TRPM2: variants seen among roughly 807,000 people sequenced by gnomAD.
The protein encoded by TRPM2 is estrogen-responsive element-associated gene 1 protein.
TRPM2 carries 161 observed loss-of-function variants against 174.0 expected under a neutral mutation model. The ratio of observed to expected loss-of-function variants is 0.93; its 90% CI spans 0.81 to 1.05. The LOEUF (loss-of-function observed/expected upper bound fraction) is 1.05. Among genes scored for constraint, TRPM2 ranks in the 50% least tolerant of loss-of-function variants. The probability of loss-of-function intolerance (pLI) is 0.00; values close to 1 mark genes in which losing one functional copy is unlikely to be tolerated. For missense variants in TRPM2, 2,057 were observed against 2,038.0 expected (o/e 1.01, Z -0.18); for synonymous variants, 954 against 861.3 (o/e 1.11, Z -1.88).
At chr21:44,412,169 T>C (rs2050130001) in intron 19 of TRPM2, among the ~76,000 whole-genome samples, 1 of 152,220 alleles carries the variant, frequency 6.6e-6, no homozygotes, top group Admixed American at 6.5e-5. Context: ...AAAAGAGTGG[T>C]TTTAATTCTT....
rs45559540 is a variant in TRPM2 at position 44,353,907 on chromosome 21, C to T, written c.165+42C>T. 638 of 1,579,630 alleles carry T rather than the reference C, an allele frequency of 4.0e-4. 4 individuals are homozygous for T. In the African/African-American group the frequency reaches 7.2e-3, roughly 18 times the overall value. On this transcript the variant is annotated intron_variant, in intron 1 of 31. Coordinates refer to ENST00000397928, the MANE Select transcript of TRPM2 (RefSeq NM_003307.4). ...TCAGCCTGCAGTTGGCACGTGGCCA[C>T]GGAGGTCACCGTTGGGCAGGTCATA...
At chr21:44,365,450 CCT>C (rs1372464988) in intron 3 of TRPM2, among the ~76,000 whole-genome samples, 1 of 152,184 alleles carries the variant, frequency 6.6e-6, no homozygotes, top group Non-Finnish European at 1.5e-5. Context: ...TGGCACAGCC[CCT>C]GAGCCACCCT....
At chr21:44,403,191 C>T (rs1450566269) in intron 16 of TRPM2, among the ~76,000 whole-genome samples, 1 of 152,182 alleles carries the variant, frequency 6.6e-6, no homozygotes, top group Non-Finnish European at 1.5e-5. Context: ...GCAGAGGGGG[C>T]ACTTCCTTCT....
Position 44,395,376 on chromosome 21 carries a change from C to T in TRPM2, c.1795-38C>T, listed in dbSNP as rs550806932. 3.5e-5 allele frequency: 56 copies of T among 1,604,832 alleles called. 1 individual carries two copies. Among genetic ancestry groups the T allele is most frequent in the South Asian group, 1.8e-4 (16 of 90,290 alleles). ...GCTCCGCCAGTGACTCTGAGCCAGG[C>T]GGCCCGGCTGGGGCTCTGACAGTTC... On this transcript the variant is annotated intron_variant, in intron 11 of 31. Transcript: ENST00000397928.
rs747106643 is a variant in TRPM2, at chr21:44,432,630, C to T, written c.3975-2501C>T. Among the ~76,000 whole-genome samples, 1 of 152,296 alleles carries T rather than the reference C, an allele frequency of 6.6e-6. No individual in the cohort carries two copies. On this transcript the variant is annotated intron_variant, in intron 27 of 31. Transcript: ENST00000397928. This position sits in a 1 kb window ranked among gnomAD's most constrained non-coding sequence, Gnocchi z 4.9. ...GGTCCTCCTGCCCTCTTGCATTGCT[C>T]CTGCCAACATAAACTAAACAAGCCC... is the stretch of plus-strand genomic sequence containing the variant.
intron 30 of TRPM2, among the ~76,000 whole-genome samples, chr21:44,440,083 T>C (rs111589981): frequency 0.072 from 10,554 of 145,996 alleles, 1,027 homozygotes; most frequent in African/African-American, 0.22. Flanking sequence ...ACACCTGTAA[T>C]CCCAACACTT....
intron 25 of TRPM2, 73 bp downstream of exon 25, chr21:44,425,900 T>C: frequency 1.4e-6 from 2 of 1,414,136 alleles, no homozygotes; most frequent in South Asian, 3.2e-5. Context: ...CCTGTCCCCA[T>C]CCATCTGGTA....
rs2050188095 is a variant in TRPM2, at chr21:44,413,898, C to T, written c.2970C>T (p.Asn990=). 1.9e-6 allele frequency: 3 copies of T among 1,611,296 alleles called. No homozygotes were observed. In the African/African-American group the frequency reaches 4.0e-5, roughly 21 times the overall value. The change falls in exon 20 of 32, where the codon AAC becomes AAT. Residue 990 remains asparagine (N), a synonymous_variant. Transcript: ENST00000397928. ...GQIPGYIDGV[N]FNPEHCSPNG... Reference sequence around the variant, plus strand: ...CCCCATTCCCAACGCCAGGTGTGAACTTCAACCCGGAGCACTGCAGCCCCA... The same window carrying T: ...CCCCATTCCCAACGCCAGGTGTGAATTTCAACCCGGAGCACTGCAGCCCCA...
chr21:44,357,269 C>G (rs954606174), intron 2 of TRPM2, among the ~76,000 whole-genome samples: 2 of 152,228 alleles, frequency 1.3e-5, no homozygotes, highest in African/African-American at 2.4e-5. Flanking sequence ...CCAGTCGGCT[C>G]TGCGTGCTTC....
In TRPM2 at chr21:44,401,798, C is replaced by A; in HGVS notation, c.2439C>A (p.Phe813Leu). ...ILSYFAFLCLFAYVLMVDFQP... is the reference protein window; with the variant it reads ...ILSYFAFLCLLAYVLMVDFQP... ...CCTACTTCGCCTTCCTCTGCCTGTTCGCCTACGTGCTCATGGTGGACTTCC... is the reference window on the plus strand; with the variant it reads ...CCTACTTCGCCTTCCTCTGCCTGTTAGCCTACGTGCTCATGGTGGACTTCC... The change falls in exon 16 of 32, where the codon TTC (phenylalanine) becomes TTA (leucine). Residue 813 changes from phenylalanine (F) to leucine (L), a missense_variant. Transcript: ENST00000397928. 3 of 1,613,914 alleles carry A rather than the reference C, an allele frequency of 1.9e-6. No individual in the cohort carries two copies. Among genetic ancestry groups the A allele is most frequent in the Non-Finnish European group, 2.5e-6 (3 of 1,180,018 alleles).
intron 29 of TRPM2, among the ~76,000 whole-genome samples, chr21:44,437,703 A>G (rs1040636938): frequency 1.3e-5 from 2 of 152,202 alleles, no homozygotes; most frequent in East Asian, 3.9e-4. Flanking sequence ...AGCGCACCCC[A>G]GCATCTTGTG....
Position 44,369,302 on chromosome 21 carries a change from T to G in TRPM2, c.730T>G (p.Trp244Gly), listed in dbSNP as rs1433311316. Reference sequence around the variant, plus strand: ...GCTCATCACCATCGGAGTCGCCACCTGGGGCACTGTCCACCGCCGCGAGGG... The same window carrying G: ...GCTCATCACCATCGGAGTCGCCACCGGGGGCACTGTCCACCGCCGCGAGGG... The part of the protein sequence containing the change: ...GELITIGVAT[W>G]GTVHRREGLI... Residue 244 changes from tryptophan (W) to glycine (G), a missense_variant, in exon 5 of 32, where the codon TGG becomes GGG. Transcript: ENST00000397928. 22 of 1,613,622 alleles carry G rather than the reference T, an allele frequency of 1.4e-5. No homozygotes were observed. The highest frequency in any genetic ancestry group is 1.8e-5 in the Non-Finnish European group (21 of 1,179,852).
Position 44,395,431 on chromosome 21 carries a change from C to T in TRPM2, c.1812C>T (p.Leu604=). ...CTCACCAGGTGCAGGGAGTGAGCCT[C>T]CGGTCCCTCTACAAGCGTTCCTCAG... is the stretch of plus-strand genomic sequence containing the variant. ...HVKLNVQGVS[L]RSLYKRSSGH... The change falls in exon 12 of 32, where the codon CTC becomes CTT. Residue 604 remains leucine, a synonymous_variant. Transcript: ENST00000397928. 6.2e-7 allele frequency: 1 copy of T among 1,612,770 alleles called. No individual in the cohort carries two copies. The highest frequency in any genetic ancestry group is 8.5e-7 in the Non-Finnish European group (1 of 1,179,926).
intron 5 of TRPM2, among the ~76,000 whole-genome samples, chr21:44,370,815 C>CT (rs2048517107): frequency 6.6e-6 from 1 of 152,226 alleles, no homozygotes; most frequent in South Asian, 2.1e-4. Flanking sequence ...CCAGGAGCGG[C>CT]TGGGTGACGT....
At chr21:44,360,568 C>CTT (rs34605236) in intron 2 of TRPM2, among the ~76,000 whole-genome samples, 4 of 130,560 alleles carry the variant, frequency 3.1e-5, no homozygotes, top group African/African-American at 8.7e-5. Flanking sequence ...AGTTTTATGT[C>CTT]TTTTTTTTTT....
Position 44,399,150 on chromosome 21 carries a change from G to A in TRPM2, c.2063-146G>A. On this transcript the variant is annotated intron_variant, in intron 13 of 31. Transcript: ENST00000397928. The surrounding 1 kb of genome is among the most constrained non-coding windows in gnomAD (Gnocchi z 4.6). The stretch of plus-strand genomic sequence containing the variant: ...CTGGGGTCCTCGTCCCTGGGCCTGG[G>A]TGTTTTGAGACACCAGCCCCACATT... 9.4e-7 allele frequency: 1 copy of A among 1,067,440 alleles called. No homozygotes were observed. The highest frequency in any genetic ancestry group is 1.3e-6 in the Non-Finnish European group (1 of 769,008). 66.1% of individuals were successfully genotyped at this position (1,067,440 alleles called of 1,614,324 possible).
rs964041909 is a variant in TRPM2, at chr21:44,360,981, C to G, written c.255-3133C>G. ...CCTCCGTATGGTCAGCTCACCTTCT[C>G]CCCCATCATCCCTGATCCCTGCAAC... is the stretch of plus-strand genomic sequence containing the variant. On this transcript the variant is annotated intron_variant, in intron 2 of 31. Transcript: ENST00000397928. Among the ~76,000 whole-genome samples, 3 of 152,118 alleles carry G rather than the reference C, an allele frequency of 2.0e-5. No homozygotes were observed. The South Asian group carries it at 6.2e-4, about 32-fold the overall frequency.
chr21:44,391,027 T>G lies in TRPM2; in HGVS notation c.1440+2T>G, dbSNP rs1602197719. The stretch of plus-strand genomic sequence containing the variant: ...TTCATGGATGAGTGGCAGTGGAAGG[T>G]AAGTCTTCCAGAGCACCCCGTGGAG... On this transcript the variant is annotated splice_donor_variant, in intron 10 of 31. Coordinates refer to ENST00000397928, the MANE Select transcript of TRPM2 (RefSeq NM_003307.4). LOFTEE classifies it high-confidence loss of function. The surrounding 1 kb of genome is among the most constrained non-coding windows in gnomAD (Gnocchi z 5.0). 12 of 1,613,724 alleles carry G rather than the reference T, an allele frequency of 7.4e-6. No homozygotes were observed. Among genetic ancestry groups the G allele is most frequent in the Non-Finnish European group, 1.0e-5 (12 of 1,180,008 alleles).
At chr21:44,407,205 G>T (rs1221842303) in intron 19 of TRPM2, among the ~76,000 whole-genome samples, 4 of 26,934 alleles carry the variant, frequency 1.5e-4, no homozygotes, top group African/African-American at 6.3e-4. Flanking sequence ...GGAGTGCAGT[G>T]GCACGTCCAC....
Sources: allele counts gnomAD v4.1 joint callset (sites outside exome capture counted in the v4.1 genomes callset), GRCh38; gene constraint gnomAD v4.1.1; non-coding constraint Gnocchi (gnomAD v3.1); transcripts MANE v1.5; gene names NCBI Gene and HGNC (gene_info 2026-07-23, HGNC 2026-07-21).